SMPD4: variants seen among roughly 807,000 people sequenced by gnomAD.
The protein encoded by SMPD4 is sphingomyelin phosphodiesterase 4.
SMPD4 carries 58 observed loss-of-function variants against 97.8 expected under a neutral mutation model. The observed-to-expected ratio is 0.59, with a 90% CI of 0.48 to 0.74. The LOEUF is 0.74. Among genes scored for constraint, SMPD4 ranks in the 30% least tolerant of loss-of-function variants. The pLI is 0.00. For synonymous variants in SMPD4, 388 were observed against 450.0 expected (o/e 0.86, Z 1.74); for missense variants, 853 against 1,080.5 (o/e 0.79, Z 2.95).
chr2:130,161,071 T>A (rs1366288338), intron 11 of SMPD4, 115 bp downstream of exon 11: 23 of 993,664 alleles, frequency 2.3e-5, no homozygotes, highest in African/African-American at 3.3e-5. Flanking sequence ...CACAGGGGCT[T>A]CGTTCTGCTT....
rs933623858 is a variant in SMPD4, at chr2:130,181,183, C to G, written c.-46+347G>C. The G allele has an allele frequency of 4.2e-6, 4 of 957,384 alleles. No individual in the cohort carries two copies. In the African/African-American group the frequency reaches 6.9e-5, roughly 17 times the overall value. 59.3% of individuals were successfully genotyped at this position (957,384 alleles called of 1,614,324 possible). ...CACAGGGGAAGGGTCGAGCTGGGAC[C>G]CACACCCGGCTCTTACACCCACACC... On this transcript the variant is annotated intron_variant, in intron 1 of 19. Transcript: ENST00000680298.
intron 1 of SMPD4, among the ~76,000 whole-genome samples, chr2:130,180,108 C>T (rs1238785818): frequency 6.6e-5 from 10 of 151,194 alleles, no homozygotes; most frequent in African/African-American, 2.2e-4. Context: ...GGATTACAGG[C>T]GCCCGCCACC....
At chr2:130,157,210 G>T (rs750797826) in intron 12 of SMPD4, 41 bp downstream of exon 12, 30 of 1,550,384 alleles carry the variant, frequency 1.9e-5, no homozygotes, top group Admixed American at 5.8e-5. Context: ...AGGGGAAAGT[G>T]GGGGAGACGG....
intron 11 of SMPD4, among the ~76,000 whole-genome samples, chr2:130,159,332 G>T (rs112307532): frequency 0.028 from 4,258 of 152,118 alleles, 93 homozygotes; most frequent in South Asian, 0.057. Context: ...TTTGGGCAAT[G>T]AATTTGCATT....
chr2:130,179,531 G>A (rs1332376861), intron 1 of SMPD4, among the ~76,000 whole-genome samples: 6 of 140,100 alleles, frequency 4.3e-5, no homozygotes, highest in African/African-American at 1.6e-4. Flanking sequence ...GGATTACAGG[G>A]GCCTGCCACC....
intron 8 of SMPD4, 80 bp from the exon 9 acceptor site, chr2:130,167,670 A>G: frequency 4.1e-6 from 6 of 1,474,954 alleles, no homozygotes; most frequent in East Asian, 2.3e-5. Context: ...CAATCTGGAT[A>G]TCAAAATCAA....
At chr2:130,159,985 G>A (rs1192958551) in intron 11 of SMPD4, among the ~76,000 whole-genome samples, 1 of 152,166 alleles carries the variant, frequency 6.6e-6, no homozygotes, top group African/African-American at 2.4e-5. Context: ...TTTTCCCATA[G>A]GTTTGCTGAG....
chr2:130,167,537 T>A lies in SMPD4; in HGVS notation c.713A>T (p.Lys238Met), dbSNP rs1187913594. The A allele has an allele frequency of 6.2e-7, 1 of 1,613,824 alleles. No homozygotes were observed. Among genetic ancestry groups the A allele is most frequent in the South Asian group, 1.1e-5 (1 of 91,068 alleles). ...SYGLHHTSLL[K>M]RHISHQTSVN... The stretch of plus-strand genomic sequence containing the variant: ...AGACGTCTGATGAGAGATGTGTCGC[T>A]TTAGGAGGCTAGTGTGGTGGAGGCC... The change falls in exon 9 of 20, where the codon AAG (lysine) becomes ATG (methionine). Residue 238 changes from lysine to methionine, a missense_variant. By Grantham distance (95) the Lys-to-Met change is moderately conservative. Coordinates refer to ENST00000680298, the MANE Select transcript of SMPD4 (RefSeq NM_017951.5).
At chr2:130,156,187 G>C (rs745457977) in intron 13 of SMPD4, 52 bp from the exon 14 acceptor site, 1 of 1,517,622 alleles carries the variant, frequency 6.6e-7, no homozygotes, top group Admixed American at 1.8e-5. Context: ...CAAATACTCG[G>C]TGGCCTGGAG....
rs566698925 is a variant in SMPD4, at chr2:130,154,699, T to C, written c.1454-217A>G. 91 of 610,926 alleles carry C rather than the reference T, an allele frequency of 1.5e-4. No homozygotes were observed. In the African/African-American group the frequency reaches 1.6e-3, roughly 11 times the overall value. 37.8% of individuals were successfully genotyped at this position (610,926 alleles called of 1,614,324 possible). A position where few individuals can be genotyped will look rare whatever the true frequency, so the allele number is the denominator to read the frequency against. On this transcript the variant is annotated intron_variant, in intron 15 of 19. Transcript: ENST00000680298. Reference sequence around the variant, plus strand: ...GGCTCACAGAGCCCCTAGCAGTGTCTGCAGGAGGTAAACAACAGGAGGATC... The same window carrying C: ...GGCTCACAGAGCCCCTAGCAGTGTCCGCAGGAGGTAAACAACAGGAGGATC...
At chr2:130,158,232 G>T in intron 11 of SMPD4, 1 of 1,288,788 alleles carries the variant, frequency 7.8e-7, no homozygotes, top group Non-Finnish European at 1.0e-6. Context: ...CCCAGTAGAA[G>T]CCCCGGGCGT....
chr2:130,180,492 T>G (rs1005488204), intron 1 of SMPD4, among the ~76,000 whole-genome samples: 2 of 146,530 alleles, frequency 1.4e-5, no homozygotes, highest in Admixed American at 1.4e-4. Flanking sequence ...AGGCTGGTCT[T>G]GAACTCCTGA....
rs866385800 is a variant in SMPD4 at position 130,161,258 on chromosome 2, G to A, written c.879C>T (p.His293=). Residue 293 remains histidine (H), a synonymous_variant, in exon 11 of 20, where the codon CAC becomes CAT. Transcript: ENST00000680298. ...GGGCGCTGGAGACACTGAGTCGGTA[G>A]TGCAGAACCTCCAGCTGAGATAAGA... ...QSPHAKLEVL[H]YRLSVSSALY... is the part of the protein sequence containing the mutation. 6.2e-7 allele frequency: 1 copy of A among 1,614,058 alleles called. No individual in the cohort carries two copies. Among genetic ancestry groups the A allele is most frequent in the East Asian group, 2.2e-5 (1 of 44,854 alleles).
At chr2:130,157,595 A>T in intron 11 of SMPD4, 199 bp from the exon 12 acceptor site, 1 of 1,094,378 alleles carries the variant, frequency 9.1e-7, no homozygotes, top group Non-Finnish European at 1.3e-6. Context: ...GCTTGGTCTG[A>T]ACTGTGACCA....
At position 130,167,470 on chromosome 2, in the gene SMPD4, T is replaced by G. The variant is rs1436413610; in HGVS notation, c.780A>C (p.Glu260Asp). 1 of 1,613,404 alleles carries G rather than the reference T, an allele frequency of 6.2e-7. No individual in the cohort carries two copies. Among genetic ancestry groups the G allele is most frequent in the East Asian group, 2.2e-5 (1 of 44,872 alleles). ...GCTCAACTCTCACCTGGAGCAGAGT[T>G]TCTGACCTCCAGATCTCGTGGGAGG... ...DPASHEIWRS[E>D]TLLQVFVEMW... is the part of the protein sequence containing the mutation. Residue 260 changes from glutamate to aspartate, a missense_variant, in exon 9 of 20, where the codon GAA becomes GAC. Glu to Asp is a conservative substitution (Grantham distance 45). Coordinates refer to ENST00000680298, the MANE Select transcript of SMPD4 (RefSeq NM_017951.5).
At position 130,152,796 on chromosome 2, in the gene SMPD4, C is replaced by A. The variant is rs773614398; in HGVS notation, c.2243G>T (p.Ser748Ile). The change falls in exon 20 of 20, where the codon AGC becomes ATC. Residue 748 changes from serine to isoleucine, a missense_variant. By Grantham distance (142) the Ser-to-Ile change is moderately radical. Coordinates refer to ENST00000680298, the MANE Select transcript of SMPD4 (RefSeq NM_017951.5). The part of the protein sequence containing the change: ...RYHLTEPGLA[S>I]RHLLSPVGRR... ...CCCCACAGGGCTCAGCAGGTGCCTG[C>A]TGGCCAGCCCAGGTTCTGTGAGGTG... is the stretch of plus-strand genomic sequence containing the variant. 1.9e-6 allele frequency: 3 copies of A among 1,609,824 alleles called. No individual in the cohort carries two copies. The Admixed American group carries it at 5.0e-5, about 27-fold the overall frequency.
chr2:130,154,721 G>A (rs1171940043), intron 15 of SMPD4: 1 of 579,862 alleles, frequency 1.7e-6, no homozygotes, highest in African/African-American at 1.9e-5. Context: ...ACAACAGGAG[G>A]ATCGACAGAA....
At chr2:130,158,967 T>G (rs1687122903) in intron 11 of SMPD4, among the ~76,000 whole-genome samples, 1 of 152,224 alleles carries the variant, frequency 6.6e-6, no homozygotes, top group South Asian at 2.1e-4. Context: ...CAGAGATAAG[T>G]GGCTGAGTCT....
Position 130,154,284 on chromosome 2 carries a change from C to T in SMPD4, c.1652G>A (p.Arg551His), listed in dbSNP as rs568436100. The T allele has an allele frequency of 1.9e-5, 30 of 1,599,640 alleles. No individual in the cohort carries two copies. Among genetic ancestry groups the T allele is most frequent in the East Asian group, 1.6e-4 (7 of 44,728 alleles). Reference sequence around the variant, plus strand: ...CACCGCCGAACCACTCACCAGGGTGCGGGCCTCGGGCCCAAACATCGGGGT... The same window carrying T: ...CACCGCCGAACCACTCACCAGGGTGTGGGCCTCGGGCCCAAACATCGGGGT... ...KYTPMFGPEARTLVLRLAQLI... is the reference protein window; with the variant it reads ...KYTPMFGPEAHTLVLRLAQLI... The change falls in exon 16 of 20, where the codon CGC becomes CAC. Residue 551 changes from arginine to histidine, a missense_variant. This residue lies in a region of SMPD4 where 511 missense variants were observed against 608.1 expected (regional missense o/e 0.84). Transcript: ENST00000680298.
Sources: gnomAD v4.1 joint callset for allele counts (sites outside exome capture counted in the v4.1 genomes callset) on GRCh38, gnomAD v4.1.1 for gene constraint, gnomAD v4.1.1 regional missense constraint, MANE v1.5 for transcripts, NCBI Gene and HGNC (gene_info 2026-07-23, HGNC 2026-07-21) for gene names.